The following MCF2L variants were observed in gnomAD, a reference collection of about 807,000 sequenced individuals.
MCF2L encodes guanine nucleotide exchange factor DBS.
In MCF2L, 97 loss-of-function variants were observed where a neutral mutation model predicts 153.4. The ratio of observed to expected loss-of-function variants is 0.63; its 90% CI spans 0.54 to 0.75. MCF2L has a LOEUF of 0.75. Ranked by LOEUF, MCF2L falls within the 30% of genes least tolerant of loss-of-function variation. The pLI is 0.00. For synonymous variants in MCF2L, 659 were observed against 632.2 expected, an observed-to-expected ratio of 1.04 and a Z score of -0.64; for missense variants, 1,347 against 1,495.2, an observed-to-expected ratio of 0.90 and a Z score of 1.64.
intron 2 of MCF2L, among the ~76,000 whole-genome samples, chr13:112,937,036 A>C (rs2081521791): frequency 6.6e-6 from 1 of 152,200 alleles, no homozygotes; most frequent in Admixed American, 6.5e-5. Context: ...AATTTTACTT[A>C]AAATGATTAC....
At chr13:113,036,770 C>A (rs1035689727) in intron 3 of MCF2L, among the ~76,000 whole-genome samples, 1 of 152,244 alleles carries the variant, frequency 6.6e-6, no homozygotes, top group Non-Finnish European at 1.5e-5. Flanking sequence ...CAGTGGGTGG[C>A]CCCCCAACTC....
intron 1 of MCF2L, among the ~76,000 whole-genome samples, chr13:113,007,635 A>G (rs148399864): frequency 5.8e-4 from 88 of 152,386 alleles, no homozygotes; most frequent in African/African-American, 2.1e-3. Context: ...GGCCGGCTGT[A>G]CAGACAGGGC....
intron 8 of MCF2L, 143 bp from the exon 9 acceptor site, chr13:113,069,916 A>T: frequency 1.9e-6 from 1 of 527,910 alleles, no homozygotes; most frequent in Non-Finnish European, 3.3e-6. Flanking sequence ...TCCCAGGTTT[A>T]GGTGCAGGGA....
upstream of MCF2L, chr13:112,966,208 A>G (rs1471711023): frequency 2.0e-5 from 3 of 152,250 alleles, no homozygotes; most frequent in African/African-American, 4.8e-5. The surrounding 1 kb of genome is among the most constrained non-coding windows in gnomAD (Gnocchi z 4.1). Flanking sequence ...TTATGGAAAG[A>G]TGGCATCATC....
chr13:112,961,012 AAC>A (rs1037712764), intron 2 of MCF2L, among the ~76,000 whole-genome samples: 1 of 151,842 alleles, frequency 6.6e-6, no homozygotes, highest in African/African-American at 2.4e-5. Flanking sequence ...CAGGCATCAA[AAC>A]ACACACTTCC....
intron 26 of MCF2L, chr13:113,090,272 C>A: frequency 7.5e-7 from 1 of 1,329,058 alleles, no homozygotes; most frequent in Admixed American, 2.5e-5. Flanking sequence ...AAAAGCGTTT[C>A]TTTCCACCCA....
At chr13:112,952,139 T>C (rs1415917505) in intron 2 of MCF2L, among the ~76,000 whole-genome samples, 2 of 152,176 alleles carry the variant, frequency 1.3e-5, no homozygotes, top group African/African-American at 4.8e-5. Flanking sequence ...AAACACTGCC[T>C]CCCAGTTAAG....
At chr13:113,051,870 C>T (rs1035846793) in intron 4 of MCF2L, among the ~76,000 whole-genome samples, 2 of 152,144 alleles carry the variant, frequency 1.3e-5, no homozygotes, top group African/African-American at 2.4e-5. Context: ...CCCACCCACC[C>T]CCACGACAGC....
chr13:112,939,309 T>A (rs2081552166), intron 2 of MCF2L, among the ~76,000 whole-genome samples: 1 of 152,032 alleles, frequency 6.6e-6, no homozygotes, highest in Non-Finnish European at 1.5e-5. Context: ...TGGTTTTGGG[T>A]CCCCAACCTG....
chr13:113,050,235 A>T (rs1281254206), intron 4 of MCF2L, among the ~76,000 whole-genome samples: 4 of 149,380 alleles, frequency 2.7e-5, no homozygotes, highest in African/African-American at 1.0e-4. Context: ...TGAGTGTGTG[A>T]GTGTGTGCGC....
intron 1 of MCF2L, among the ~76,000 whole-genome samples, chr13:112,997,086 G>A (rs2083170652): frequency 6.6e-6 from 1 of 152,240 alleles, no homozygotes; most frequent in South Asian, 2.1e-4. Context: ...CCCGTGAACG[G>A]AGGGACTCTG....
At chr13:112,903,009 G>T (rs964355239) in intron 2 of MCF2L, among the ~76,000 whole-genome samples, 2 of 152,208 alleles carry the variant, frequency 1.3e-5, no homozygotes, top group East Asian at 3.9e-4. Flanking sequence ...TGAGTTCTCT[G>T]TTCCTAGTTT....
intron 12 of MCF2L, among the ~76,000 whole-genome samples, 189 bp from the exon 13 acceptor site, chr13:113,076,863 T>TG (rs2033539330): frequency 6.6e-6 from 1 of 152,242 alleles, no homozygotes; most frequent in African/African-American, 2.4e-5. Flanking sequence ...CCGTCCCGTG[T>TG]GGGGGCTGCA....
chr13:113,042,006 G>T (rs2086525978), intron 3 of MCF2L, among the ~76,000 whole-genome samples: 1 of 152,174 alleles, frequency 6.6e-6, no homozygotes, highest in South Asian at 2.1e-4. Context: ...TCACGGGATG[G>T]TCGCTGGAGC....
At position 113,066,375 on chromosome 13, in the gene MCF2L, G is replaced by A. The variant is rs531785397; in HGVS notation, c.881+205G>A. ...CCTCCTGCTGAAATGCTTTTCTCTCGAACCCCACAGAAAGCCACTGTTTTG... is the reference window on the plus strand; with the variant it reads ...CCTCCTGCTGAAATGCTTTTCTCTCAAACCCCACAGAAAGCCACTGTTTTG... On this transcript the variant is annotated intron_variant, in intron 8 of 29. Coordinates refer to ENST00000535094, the MANE Select transcript of MCF2L (RefSeq NM_001112732.3). Among the ~76,000 whole-genome samples the A allele has an allele frequency of 9.2e-5, 14 of 152,278 alleles. No homozygotes were observed. The East Asian group carries it at 2.3e-3, about 25-fold the overall frequency.
Position 113,066,128 on chromosome 13 carries a change from G to T in MCF2L, c.839G>T (p.Ser280Ile), listed in dbSNP as rs781360637. 2.5e-6 allele frequency: 4 copies of T among 1,613,160 alleles called. No individual in the cohort carries two copies. In the Admixed American group the frequency reaches 6.7e-5, roughly 27 times the overall value. ...RELQAEGSEP[S>I]VNQDQLDNQA... ...CTGCAGGCTGAGGGCTCAGAGCCCA[G>T]TGTGAACCAGGACCAGCTTGACAAC... Residue 280 changes from serine (S) to isoleucine (I), a missense_variant, in exon 8 of 30, where the codon AGT becomes ATT. Transcript: ENST00000535094.
chr13:113,091,263 A>G, intron 26 of MCF2L: 2 of 1,281,140 alleles, frequency 1.6e-6, no homozygotes, highest in Non-Finnish European at 2.1e-6. Flanking sequence ...GCTGGCTGTC[A>G]GGTGGCCGTC....
chr13:112,937,253 C>G (rs1489575663), intron 2 of MCF2L, among the ~76,000 whole-genome samples: 1 of 152,032 alleles, frequency 6.6e-6, no homozygotes, highest in East Asian at 1.9e-4. Context: ...TGGGTTTTCA[C>G]CATATTGGCC....
In MCF2L at chr13:113,064,393, C is replaced by A. The variant is rs1488044681; in HGVS notation, c.579C>A (p.Cys193Ter). 2 of 1,612,580 alleles carry A rather than the reference C, an allele frequency of 1.2e-6. No individual in the cohort carries two copies. Among genetic ancestry groups the A allele is most frequent in the Non-Finnish European group, 1.7e-6 (2 of 1,179,902 alleles). ...TEDLGGTLDY[C>*]HSRWLCQRTA... ...ACCTGGGTGGGACCCTGGACTACTG[C>A]CACTCCCGGTGGCTGTGCCAGCGCA... The change falls in exon 6 of 30, where the codon TGC (cysteine) becomes TGA (stop). Residue 193 changes from cysteine to a stop codon, truncating the protein, a stop_gained. Transcript: ENST00000535094. LOFTEE classifies it high-confidence loss of function. The surrounding 1 kb of genome is among the most constrained non-coding windows in gnomAD (Gnocchi z 6.0).
Sources: allele counts gnomAD v4.1 joint callset (sites outside exome capture counted in the v4.1 genomes callset), GRCh38; gene constraint gnomAD v4.1.1; non-coding constraint Gnocchi (gnomAD v3.1); transcripts MANE v1.5; gene names NCBI Gene and HGNC (gene_info 2026-07-23, HGNC 2026-07-21).